NCOA2: variants seen among roughly 807,000 people sequenced by gnomAD.
NCOA2 encodes the protein class E basic helix-loop-helix protein 75.
A neutral mutation model predicts 145.1 loss-of-function variants in NCOA2; 21 were observed. The observed-to-expected ratio is 0.14, with a 90% CI of 0.10 to 0.21. The LOEUF (loss-of-function observed/expected upper bound fraction) is 0.21. Ranked by LOEUF, NCOA2 falls within the 10% of genes least tolerant of loss-of-function variation. NCOA2 has a pLI of 1.00. For missense variants in NCOA2, 1,472 were observed against 1,837.6 expected, an observed-to-expected ratio of 0.80 and a Z score of 3.64; for synonymous variants, 619 against 637.5, an observed-to-expected ratio of 0.97 and a Z score of 0.44.
At chr8:70,151,783 C>T (rs1002372937) in intron 11 of NCOA2, among the ~76,000 whole-genome samples, 4 of 152,144 alleles carry the variant, frequency 2.6e-5, no homozygotes, top group South Asian at 2.1e-4. Flanking sequence ...ATGGAGTACA[C>T]ATTTAACATT....
intron 1 of NCOA2, among the ~76,000 whole-genome samples, chr8:70,397,426 C>A (rs1400991757): frequency 1.3e-5 from 2 of 149,920 alleles, no homozygotes; most frequent in East Asian, 3.9e-4. Context: ...GCACTCCAAC[C>A]TGGGTAACAG....
chr8:70,128,664 A>G, intron 17 of NCOA2, 38 bp downstream of exon 17: 1 of 1,607,064 alleles, frequency 6.2e-7, no homozygotes, highest in Non-Finnish European at 8.5e-7. Flanking sequence ...TCCTCCACCC[A>G]GCACCCCTGA....
intron 1 of NCOA2, among the ~76,000 whole-genome samples, chr8:70,338,759 G>A (rs1807858259): frequency 6.6e-6 from 1 of 152,012 alleles, no homozygotes; most frequent in Admixed American, 6.6e-5. Flanking sequence ...TGGCTTCAAG[G>A]TATGCTTCAT....
Position 70,144,852 on chromosome 8 carries a change from A to G in NCOA2, c.2606-4T>C, listed in dbSNP as rs776546479. The G allele has an allele frequency of 2.4e-5, 38 of 1,612,836 alleles. No homozygotes were observed. Among genetic ancestry groups the G allele is most frequent in the Non-Finnish European group, 3.1e-5 (36 of 1,178,946 alleles). On this transcript the variant is annotated splice_region_variant and splice_polypyrimidine_tract_variant and intron_variant, in intron 12 of 22. Transcript: ENST00000452400. ...CCTGGTCGTGGGTTATTAAAAGCTA[A>G]GGAGAAAACAAATGAAAATTGAAGG...
At position 70,156,796 on chromosome 8, in the gene NCOA2, T is replaced by C. The variant is rs768443528; in HGVS notation, c.1569A>G (p.Thr523=). 8.7e-6 allele frequency: 14 copies of C among 1,613,892 alleles called. No individual in the cohort carries two copies. The South Asian group carries it at 8.8e-5, about 10-fold the overall frequency. The change falls in exon 11 of 23, where the codon ACA becomes ACG. Residue 523 remains threonine, a synonymous_variant. Coordinates refer to ENST00000452400, the MANE Select transcript of NCOA2 (RefSeq NM_006540.4). ...TGTTGGTATAACTATGGCTATTTCCTGTGCTGCTGCAAACTCCCACAGGGG... is the reference window on the plus strand; with the variant it reads ...TGTTGGTATAACTATGGCTATTTCCCGTGCTGCTGCAAACTCCCACAGGGG... ...LHSPVGVCSS[T]GNSHSYTNSS... is the part of the protein sequence containing the mutation.
chr8:70,203,422 T>G (rs1305908345), intron 4 of NCOA2, among the ~76,000 whole-genome samples: 2 of 152,066 alleles, frequency 1.3e-5, no homozygotes, highest in African/African-American at 4.8e-5. Flanking sequence ...AATAGGATCG[T>G]TCTTATTGAT....
chr8:70,331,089 T>G (rs1807055298), intron 1 of NCOA2, among the ~76,000 whole-genome samples: 1 of 152,176 alleles, frequency 6.6e-6, no homozygotes, highest in Non-Finnish European at 1.5e-5. Context: ...GCTCATATGG[T>G]ACAGCTTTTA....
chr8:70,301,582 G>A (rs369094528), intron 1 of NCOA2, among the ~76,000 whole-genome samples: 1 of 147,298 alleles, frequency 6.8e-6, no homozygotes, highest in African/African-American at 2.5e-5. Flanking sequence ...TTGAGCCTAC[G>A]GATGTCAAGG....
At chr8:70,315,228 C>T (rs1233848107) in intron 1 of NCOA2, among the ~76,000 whole-genome samples, 2 of 152,048 alleles carry the variant, frequency 1.3e-5, no homozygotes, top group Non-Finnish European at 1.5e-5. Flanking sequence ...CATTCAACAC[C>T]TCTAAGAAAA....
intron 4 of NCOA2, among the ~76,000 whole-genome samples, chr8:70,207,641 A>G (rs1019630864): frequency 6.6e-6 from 1 of 152,074 alleles, no homozygotes; most frequent in Non-Finnish European, 1.5e-5. Flanking sequence ...AGGCGGGTGG[A>G]TCACCTTAGG....
intron 22 of NCOA2, among the ~76,000 whole-genome samples, chr8:70,118,550 A>G (rs1807405090): frequency 6.6e-6 from 1 of 152,214 alleles, no homozygotes; most frequent in Non-Finnish European, 1.5e-5. Context: ...GAATATGCAC[A>G]CAGTAAGTTA....
chr8:70,417,265 A>AAAAAAAAAAAAAAAAAAAAAAAAAAAAAC, the NCOA2 span, among the ~76,000 whole-genome samples: 1 of 149,742 alleles, frequency 6.7e-6, no homozygotes, highest in African/African-American at 2.5e-5. Context: ...AAAAAAAAAA[A>AAAAAAAAAAAAAAAAAAAAAAAAAAAAAC]AGGCCAGGCG....
intron 1 of NCOA2, among the ~76,000 whole-genome samples, chr8:70,396,959 G>A (rs1813725868): frequency 6.6e-6 from 1 of 152,064 alleles, no homozygotes; most frequent in South Asian, 2.1e-4. Flanking sequence ...CCAAAGTTTT[G>A]CTCACAGGCA....
At chr8:70,133,294 T>G (rs1209114978) in intron 15 of NCOA2, among the ~76,000 whole-genome samples, 1 of 148,838 alleles carries the variant, frequency 6.7e-6, no homozygotes, top group Non-Finnish European at 1.5e-5. Flanking sequence ...CATTGCACAC[T>G]ACATCCTTGA....
intron 1 of NCOA2, among the ~76,000 whole-genome samples, chr8:70,360,149 T>C (rs994916880): frequency 6.6e-6 from 1 of 152,192 alleles, no homozygotes; most frequent in Non-Finnish European, 1.5e-5. Flanking sequence ...TAAATTTTAG[T>C]ACATTTTAAA....
intron 1 of NCOA2, among the ~76,000 whole-genome samples, chr8:70,403,395 AGC>A (rs1324839323): frequency 6.6e-6 from 1 of 150,804 alleles, no homozygotes; most frequent in African/African-American, 2.4e-5. Flanking sequence ...TCGTCTCCTG[AGC>A]TCTCGCAAGG....
chr8:70,341,172 C>T (rs181913443), intron 1 of NCOA2, among the ~76,000 whole-genome samples: 2 of 151,432 alleles, frequency 1.3e-5, no homozygotes, highest in African/African-American at 2.4e-5. Context: ...GGGAGGATTG[C>T]TTGAGGTCAG....
the NCOA2 span, among the ~76,000 whole-genome samples, chr8:70,431,350 A>G: frequency 6.6e-6 from 1 of 152,286 alleles, no homozygotes; most frequent in African/African-American, 2.4e-5. Context: ...ACTTCATTTT[A>G]TAAACAGCAC....
intron 2 of NCOA2, among the ~76,000 whole-genome samples, chr8:70,280,604 A>C (rs1289868015): frequency 2.0e-5 from 3 of 152,202 alleles, no homozygotes; most frequent in African/African-American, 4.8e-5. Context: ...GAAATGTTAC[A>C]AAATTGAGTG....
Sources: allele counts gnomAD v4.1 joint callset (sites outside exome capture counted in the v4.1 genomes callset), GRCh38; gene constraint gnomAD v4.1.1; transcripts MANE v1.5; gene names NCBI Gene and HGNC (gene_info 2026-07-23, HGNC 2026-07-21).